The following FBXO8 variants were observed in gnomAD, a reference collection of about 807,000 sequenced individuals.
FBXO8 encodes the protein F-box only protein 8.
Under a neutral mutation model 33.4 loss-of-function variants are expected in FBXO8, and 15 were observed. The ratio of observed to expected loss-of-function variants is 0.45; its 90% CI spans 0.30 to 0.69. The LOEUF (loss-of-function observed/expected upper bound fraction) is 0.69, where lower values mean the gene tolerates loss of function less well. Ranked by LOEUF, FBXO8 falls within the 30% of genes least tolerant of loss-of-function variation. The pLI is 0.08. For synonymous variants in FBXO8, 132 were observed against 131.5 expected (o/e 1.00, Z -0.02); for missense variants, 274 against 380.3 (o/e 0.72, Z 2.32).
chr4:174,274,704 A>C lies in FBXO8; in HGVS notation c.-9+8706T>G, dbSNP rs1736918574. 6.6e-6 allele frequency among the ~76,000 whole-genome samples: 1 copy of C among 152,244 alleles called. No individual in the cohort carries two copies. The highest frequency in any genetic ancestry group is 1.5e-5 in the Non-Finnish European group (1 of 68,044). ...CCTTGGCATATAAAGTGCTCAGAAA[A>C]TATTTGTTGAATGAATAAACGATTA... is the stretch of plus-strand genomic sequence containing the variant. On this transcript the variant is annotated intron_variant, in intron 1 of 5. Transcript: ENST00000393674. The surrounding 1 kb of genome is among the most constrained non-coding windows in gnomAD (Gnocchi z 4.0).
intron 3 of FBXO8, among the ~76,000 whole-genome samples, chr4:174,250,571 C>T (rs983018887): frequency 2.6e-5 from 4 of 151,998 alleles, no homozygotes; most frequent in African/African-American, 7.2e-5. Flanking sequence ...ATAAAGAAGG[C>T]ATCTCTCTAA....
Position 174,283,342 on chromosome 4 carries a change from T to C in FBXO8, c.-9+68A>G, listed in dbSNP as rs1737188291. 1 of 152,702 alleles carries C rather than the reference T, an allele frequency of 6.5e-6. No individual in the cohort carries two copies. The allele number at this position is 152,702 out of a possible 1,614,324, so 9.5% of individuals were successfully genotyped here. A position where few individuals can be genotyped will look rare whatever the true frequency, so the allele number is the denominator to read the frequency against. Reference sequence around the variant, plus strand: ...TGGCAAGCACTGGTTGTCTTTATTTTCGAGAAAAGTGAAGGTGAACAGGGA... The same window carrying C: ...TGGCAAGCACTGGTTGTCTTTATTTCCGAGAAAAGTGAAGGTGAACAGGGA... On this transcript the variant is annotated intron_variant, in intron 1 of 5. Transcript: ENST00000393674. The surrounding 1 kb of genome is among the most constrained non-coding windows in gnomAD (Gnocchi z 6.7).
At chr4:174,238,023 T>C (rs574253627) in intron 5 of FBXO8, among the ~76,000 whole-genome samples, 1 of 152,054 alleles carries the variant, frequency 6.6e-6, no homozygotes, top group South Asian at 2.1e-4. Context: ...TAAAAAAAAA[T>C]TTATATAGAA....
intron 3 of FBXO8, among the ~76,000 whole-genome samples, chr4:174,246,458 G>A (rs1382199534): frequency 6.6e-6 from 1 of 151,938 alleles, no homozygotes; most frequent in Non-Finnish European, 1.5e-5. Flanking sequence ...CCACACTGTA[G>A]CAGAGGCTGA....
intron 3 of FBXO8, among the ~76,000 whole-genome samples, chr4:174,242,888 T>C (rs1736072055): frequency 6.6e-6 from 1 of 151,614 alleles, no homozygotes; most frequent in South Asian, 2.1e-4. Context: ...TTTCCAGTAT[T>C]TAATTTTAAT....
rs902180733 is a variant in FBXO8, at chr4:174,274,084, T to C, written c.-9+9326A>G. Reference sequence around the variant, plus strand: ...GATGACAAAAGCAATTTACCATCTGTTTCTTCACCACTGGTTCTCATCTCT... The same window carrying C: ...GATGACAAAAGCAATTTACCATCTGCTTCTTCACCACTGGTTCTCATCTCT... On this transcript the variant is annotated intron_variant, in intron 1 of 5. Coordinates refer to ENST00000393674, the MANE Select transcript of FBXO8 (RefSeq NM_012180.3). The surrounding 1 kb of genome is among the most constrained non-coding windows in gnomAD (Gnocchi z 4.0). Among the ~76,000 whole-genome samples, 2 of 152,202 alleles carry C rather than the reference T, an allele frequency of 1.3e-5. No homozygotes were observed. Among genetic ancestry groups the C allele is most frequent in the Non-Finnish European group, 2.9e-5 (2 of 68,034 alleles).
rs975467722 is a variant in FBXO8 at position 174,262,395 on chromosome 4, C to A, written c.329+369G>T. Among the ~76,000 whole-genome samples the A allele has an allele frequency of 2.6e-5, 4 of 152,124 alleles. No homozygotes were observed. The highest frequency in any genetic ancestry group is 9.7e-5 in the African/African-American group (4 of 41,424). ...TGCCTATTATTCAGATGGCAGGTAT[C>A]CTATGGGAAGCACAAACTACACAGC... On this transcript the variant is annotated intron_variant, in intron 2 of 5. Transcript: ENST00000393674. The surrounding 1 kb of genome is among the most constrained non-coding windows in gnomAD (Gnocchi z 4.6).
Position 174,261,160 on chromosome 4 carries a change from G to C in FBXO8, c.330-1335C>G, listed in dbSNP as rs1447497171. ...TTAGAATATTATCAATATTTTTTCA[G>C]TCTTATTAATCTAGTCCCAATAAAA... On this transcript the variant is annotated intron_variant, in intron 2 of 5. Transcript: ENST00000393674. The surrounding 1 kb of genome is among the most constrained non-coding windows in gnomAD (Gnocchi z 4.1). 6.6e-6 allele frequency among the ~76,000 whole-genome samples: 1 copy of C among 151,814 alleles called. No individual in the cohort carries two copies. The highest frequency in any genetic ancestry group is 3.2e-3 in the Middle Eastern group (1 of 316).
chr4:174,242,920 T>G (rs928448717), intron 3 of FBXO8, among the ~76,000 whole-genome samples: 2 of 151,610 alleles, frequency 1.3e-5, no homozygotes, highest in African/African-American at 4.8e-5. Flanking sequence ...AAAAACAATG[T>G]CAATTAAGCA....
In FBXO8 at chr4:174,255,052, T is replaced by A. The variant is rs1406512588; in HGVS notation, c.456+4647A>T. Among the ~76,000 whole-genome samples, 1 of 152,158 alleles carries A rather than the reference T, an allele frequency of 6.6e-6. No homozygotes were observed. The highest frequency in any genetic ancestry group is 2.4e-5 in the African/African-American group (1 of 41,434). On this transcript the variant is annotated intron_variant, in intron 3 of 5. Coordinates refer to ENST00000393674, the MANE Select transcript of FBXO8 (RefSeq NM_012180.3). This position sits in a 1 kb window ranked among gnomAD's most constrained non-coding sequence, Gnocchi z 4.3. ...ATAGTCACGATGTACATCAAAGTAT[T>A]AACGGCTTTGAAAAGTTAGGCTGTA...
At chr4:174,273,350 A>G in intron 1 of FBXO8, among the ~76,000 whole-genome samples, 1 of 133,198 alleles carries the variant, frequency 7.5e-6, no homozygotes, top group East Asian at 2.0e-4. Flanking sequence ...AAAGAAAAGA[A>G]AAAAGGTGGA....
chr4:174,269,470 G>C (rs1157613797), intron 1 of FBXO8, among the ~76,000 whole-genome samples: 3 of 152,166 alleles, frequency 2.0e-5, no homozygotes, highest in South Asian at 2.1e-4. Context: ...CAGATCACTT[G>C]AGGTCAGGAG....
chr4:174,280,985 A>G (rs1252508371), intron 1 of FBXO8, among the ~76,000 whole-genome samples: 2 of 152,194 alleles, frequency 1.3e-5, no homozygotes, highest in African/African-American at 4.8e-5. Context: ...TGTAATTAAT[A>G]CCATTGAACT....
chr4:174,283,248 A>G lies in FBXO8; in HGVS notation c.-9+162T>C, dbSNP rs989314467. Among the ~76,000 whole-genome samples, 3 of 152,202 alleles carry G rather than the reference A, an allele frequency of 2.0e-5. No individual in the cohort carries two copies. Among genetic ancestry groups the G allele is most frequent in the Non-Finnish European group, 2.9e-5 (2 of 68,034 alleles). On this transcript the variant is annotated intron_variant, in intron 1 of 5. Transcript: ENST00000393674. This position sits in a 1 kb window ranked among gnomAD's most constrained non-coding sequence, Gnocchi z 6.7. Reference sequence around the variant, plus strand: ...TTCCTCACTTTAATGAGCCACCACTACTGTCACTCAAGATGCTTCGCACTG... The same window carrying G: ...TTCCTCACTTTAATGAGCCACCACTGCTGTCACTCAAGATGCTTCGCACTG...
Position 174,275,804 on chromosome 4 carries a change from T to C in FBXO8, c.-9+7606A>G, listed in dbSNP as rs528542309. Among the ~76,000 whole-genome samples the C allele has an allele frequency of 5.3e-5, 8 of 152,256 alleles. No individual in the cohort carries two copies. In the South Asian group the frequency reaches 1.7e-3, roughly 32 times the overall value. On this transcript the variant is annotated intron_variant, in intron 1 of 5. Coordinates refer to ENST00000393674, the MANE Select transcript of FBXO8 (RefSeq NM_012180.3). This position sits in a 1 kb window ranked among gnomAD's most constrained non-coding sequence, Gnocchi z 4.4. ...ATCTCTCACTTCAGGTAAATTTGAATACATATGGATCAAAAGAAGATGGAA... is the reference window on the plus strand; with the variant it reads ...ATCTCTCACTTCAGGTAAATTTGAACACATATGGATCAAAAGAAGATGGAA...
At chr4:174,264,085 G>A (rs1438411491) in intron 1 of FBXO8, among the ~76,000 whole-genome samples, 2 of 152,074 alleles carry the variant, frequency 1.3e-5, no homozygotes, top group Admixed American at 1.3e-4. Flanking sequence ...ATCAACTCGA[G>A]TTGACTACTA....
chr4:174,280,713 T>C (rs1012826459), intron 1 of FBXO8, among the ~76,000 whole-genome samples: 2 of 152,178 alleles, frequency 1.3e-5, no homozygotes, highest in African/African-American at 4.8e-5. Flanking sequence ...GAGGACATTA[T>C]GCCAAGTTAA....
chr4:174,261,729 G>A lies in FBXO8; in HGVS notation c.329+1035C>T, dbSNP rs951014412. Among the ~76,000 whole-genome samples, 1 of 151,916 alleles carries A rather than the reference G, an allele frequency of 6.6e-6. No individual in the cohort carries two copies. Among genetic ancestry groups the A allele is most frequent in the Non-Finnish European group, 1.5e-5 (1 of 67,860 alleles). Reference sequence around the variant, plus strand: ...GGTTGAGAAATGACCTATATAACTTGTACTAGAACTGTGTGACATCAGAAA... The same window carrying A: ...GGTTGAGAAATGACCTATATAACTTATACTAGAACTGTGTGACATCAGAAA... On this transcript the variant is annotated intron_variant, in intron 2 of 5. Coordinates refer to ENST00000393674, the MANE Select transcript of FBXO8 (RefSeq NM_012180.3). This position sits in a 1 kb window ranked among gnomAD's most constrained non-coding sequence, Gnocchi z 4.1.
At position 174,252,181 on chromosome 4, in the gene FBXO8, C is replaced by T. The variant is rs184777279; in HGVS notation, c.456+7518G>A. On this transcript the variant is annotated intron_variant, in intron 3 of 5. Coordinates refer to ENST00000393674, the MANE Select transcript of FBXO8 (RefSeq NM_012180.3). This position sits in a 1 kb window ranked among gnomAD's most constrained non-coding sequence, Gnocchi z 5.1. ...ACAGGGTTTTACCATGTTGCCTGGG[C>T]TGGTCTCAAACTCCTGAGCTCAAGT... Among the ~76,000 whole-genome samples the T allele has an allele frequency of 2.2e-4, 33 of 152,170 alleles. No homozygotes were observed. In the East Asian group the frequency reaches 6.2e-3, roughly 29 times the overall value.
Sources: allele counts gnomAD v4.1 joint callset (sites outside exome capture counted in the v4.1 genomes callset), GRCh38; gene constraint gnomAD v4.1.1; non-coding constraint Gnocchi (gnomAD v3.1); transcripts MANE v1.5; gene names NCBI Gene and HGNC (gene_info 2026-07-23, HGNC 2026-07-21).